Variants in FBXO25 observed in about 807,000 individuals in gnomAD.
The protein encoded by FBXO25 is F-box protein 25.
In FBXO25, 45 loss-of-function variants were observed where a neutral mutation model predicts 51.9. That is an observed-to-expected ratio of 0.87 (90% CI 0.68 to 1.11). The LOEUF (loss-of-function observed/expected upper bound fraction) is 1.11. Ranked by LOEUF, FBXO25 falls within the 50% of genes most tolerant of loss-of-function variation. The pLI is 0.00. For missense variants in FBXO25, 507 were observed against 428.5 expected (o/e 1.18, Z -1.62); for synonymous variants, 199 against 151.0 (o/e 1.32, Z -2.33).
intron 9 of FBXO25, among the ~76,000 whole-genome samples, chr8:466,182 C>T (rs1046733596): frequency 3.9e-5 from 6 of 152,342 alleles, no homozygotes; most frequent in African/African-American, 1.2e-4. Flanking sequence ...CCTAATTTAA[C>T]CCCTCAAGAT....
chr8:445,165 C>T (rs568436156), intron 5 of FBXO25, among the ~76,000 whole-genome samples: 230 of 152,298 alleles, frequency 1.5e-3, no homozygotes, highest in Admixed American at 2.8e-3. Context: ...TCTATGCTTA[C>T]CTATGCCTCG....
In FBXO25 at chr8:432,884, A is replaced by G. The variant is rs1310102706; in HGVS notation, c.239-2A>G. On this transcript the variant is annotated splice_acceptor_variant, in intron 3 of 9. Transcript: ENST00000350302. LOFTEE classifies it high-confidence loss of function. ...TAAAAACAAAGGTAATTTTTATTCTAGGTTTTTATCGTGAAAAATGGATCT... is the reference window on the plus strand; with the variant it reads ...TAAAAACAAAGGTAATTTTTATTCTGGGTTTTTATCGTGAAAAATGGATCT... The G allele has an allele frequency of 2.6e-6, 4 of 1,547,506 alleles. No individual in the cohort carries two copies. Among genetic ancestry groups the G allele is most frequent in the Non-Finnish European group, 3.5e-6 (4 of 1,152,568 alleles).
chr8:431,570 A>G lies in FBXO25; in HGVS notation c.238+126A>G, dbSNP rs150250859. ...TGTAAATAACAGCCCAGTATCCAGC[A>G]TTGCCTACAGATTTAGTGATCAAAC... On this transcript the variant is annotated intron_variant, in intron 3 of 9. Coordinates refer to ENST00000350302, the MANE Select transcript of FBXO25 (RefSeq NM_183420.2). 46 of 522,176 alleles carry G rather than the reference A, an allele frequency of 8.8e-5. 2 individuals carry two copies. The highest frequency in any genetic ancestry group is 5.4e-4 in the Middle Eastern group (1 of 1,858). 32.3% of individuals were successfully genotyped at this position (522,176 alleles called of 1,614,324 possible).
At position 477,006 on chromosome 8, in the gene FBXO25, A is replaced by AC. The variant is rs1800666194; in HGVS notation, c.*8203dup. The AC allele has an allele frequency of 6.6e-6, 1 of 150,688 alleles. No homozygotes were observed. The highest frequency in any genetic ancestry group is 2.5e-5 in the African/African-American group (1 of 40,542). The allele number at this position is 150,688 out of a possible 1,614,324, so 9.3% of individuals were successfully genotyped here. ...TTGTATATTACATTTTTCATTTACC[A>AC]CAAGATATTTTCTAATTTCCCTTGT... On this transcript the variant is annotated 3_prime_UTR_variant, in exon 10 of 10. Coordinates refer to ENST00000350302, the MANE Select transcript of FBXO25 (RefSeq NM_183420.2).
intron 2 of FBXO25, among the ~76,000 whole-genome samples, chr8:420,121 A>G (rs1267258879): frequency 6.6e-6 from 1 of 152,088 alleles, no homozygotes; most frequent in Non-Finnish European, 1.5e-5. Flanking sequence ...CCACGGTACC[A>G]TTTGGGGCAA....
At chr8:419,139 C>A (rs1428153823) in intron 2 of FBXO25, among the ~76,000 whole-genome samples, 1 of 151,942 alleles carries the variant, frequency 6.6e-6, no homozygotes, top group Non-Finnish European at 1.5e-5. Context: ...GCGGGCGGAT[C>A]ACCTGAGGTC....
intron 5 of FBXO25, among the ~76,000 whole-genome samples, chr8:446,089 C>T (rs937752931): frequency 2.0e-5 from 3 of 152,094 alleles, no homozygotes; most frequent in Non-Finnish European, 4.4e-5. Flanking sequence ...GTTCAGTCTT[C>T]TGTAATGTAG....
At chr8:449,156 CAG>C (rs1798919198) in intron 5 of FBXO25, among the ~76,000 whole-genome samples, 1 of 152,240 alleles carries the variant, frequency 6.6e-6, no homozygotes, top group East Asian at 1.9e-4. Flanking sequence ...ACACCTAAAA[CAG>C]AGATTTACAA....
At position 424,837 on chromosome 8, in the gene FBXO25, C is replaced by T. The variant is rs181821870; in HGVS notation, c.135-6504C>T. 3.8e-3 allele frequency among the ~76,000 whole-genome samples: 574 copies of T among 152,116 alleles called. 8 individuals are homozygous for T. The highest frequency in any genetic ancestry group is 0.013 in the African/African-American group (547 of 41,504). On this transcript the variant is annotated intron_variant, in intron 2 of 9. Coordinates refer to ENST00000350302, the MANE Select transcript of FBXO25 (RefSeq NM_183420.2). ...TTCTTTTTGCTTAGGAGTGCTTTGG[C>T]TATTTGGGCTCTTTTTTCATTCCAT...
In FBXO25 at chr8:427,057, C is replaced by T. The variant is rs547181079; in HGVS notation, c.135-4284C>T. Among the ~76,000 whole-genome samples, 333 of 150,064 alleles carry T rather than the reference C, an allele frequency of 2.2e-3. 1 individual carries two copies. Among genetic ancestry groups the T allele is most frequent in the Middle Eastern group, 0.01 (3 of 286 alleles). On this transcript the variant is annotated intron_variant, in intron 2 of 9. Coordinates refer to ENST00000350302, the MANE Select transcript of FBXO25 (RefSeq NM_183420.2). Reference sequence around the variant, plus strand: ...GCTTTATATCAGGAAAATGGATAAACGTAAACATTTGCCTACCAGGAGAAA... The same window carrying T: ...GCTTTATATCAGGAAAATGGATAAATGTAAACATTTGCCTACCAGGAGAAA...
rs1000433511 is a variant in FBXO25 at position 475,807 on chromosome 8, A to G, written c.*7003A>G. The G allele has an allele frequency of 6.6e-6, 1 of 151,940 alleles. No homozygotes were observed. The highest frequency in any genetic ancestry group is 2.4e-5 in the African/African-American group (1 of 41,354). 9.4% of individuals were successfully genotyped at this position (151,940 alleles called of 1,614,324 possible). A position where few individuals can be genotyped will look rare whatever the true frequency, so the allele number is the denominator to read the frequency against. ...TTTTTGTATATGTATGGACACTAGGATTTTCTACATATAAGATCATGTCAT... is the reference window on the plus strand; with the variant it reads ...TTTTTGTATATGTATGGACACTAGGGTTTTCTACATATAAGATCATGTCAT... On this transcript the variant is annotated 3_prime_UTR_variant, in exon 10 of 10. Transcript: ENST00000350302.
At chr8:407,323 G>T (rs1460978756) in intron 1 of FBXO25, 1 of 972,290 alleles carries the variant, frequency 1.0e-6, no homozygotes, top group African/African-American at 1.8e-5. Context: ...TCGCGGGCGC[G>T]TCAGGTGGGG....
intron 5 of FBXO25, among the ~76,000 whole-genome samples, chr8:436,240 C>T (rs1798095544): frequency 6.6e-6 from 1 of 152,002 alleles, no homozygotes; most frequent in Non-Finnish European, 1.5e-5. Flanking sequence ...AGGATCTTAG[C>T]CATATATTCC....
At chr8:419,064 A>G (rs1361042546) in intron 2 of FBXO25, among the ~76,000 whole-genome samples, 2 of 152,232 alleles carry the variant, frequency 1.3e-5, no homozygotes, top group Admixed American at 1.3e-4. Context: ...TCATCATTAG[A>G]AAGTCAGAGC....
intron 8 of FBXO25, among the ~76,000 whole-genome samples, chr8:458,870 G>T (rs899352983): frequency 1.3e-5 from 2 of 152,162 alleles, no homozygotes; most frequent in African/African-American, 2.4e-5. Flanking sequence ...CTGATTTGAT[G>T]AATCAGATTC....
In FBXO25 at chr8:472,165, C is replaced by G. The variant is rs1478607457; in HGVS notation, c.*3361C>G. ...GTTCCTCATCTTAGGGGAAAGCTTTCAGTCTCACCATTAACTATGATGTTA... is the reference window on the plus strand; with the variant it reads ...GTTCCTCATCTTAGGGGAAAGCTTTGAGTCTCACCATTAACTATGATGTTA... On this transcript the variant is annotated 3_prime_UTR_variant, in exon 10 of 10. Coordinates refer to ENST00000350302, the MANE Select transcript of FBXO25 (RefSeq NM_183420.2). 1 of 152,212 alleles carries G rather than the reference C, an allele frequency of 6.6e-6. No homozygotes were observed. The highest frequency in any genetic ancestry group is 2.4e-5 in the African/African-American group (1 of 41,462). 9.4% of individuals were successfully genotyped at this position (152,212 alleles called of 1,614,324 possible). A position where few individuals can be genotyped will look rare whatever the true frequency, so the allele number is the denominator to read the frequency against.
chr8:452,999 C>T (rs904524263), intron 7 of FBXO25, among the ~76,000 whole-genome samples: 4 of 152,178 alleles, frequency 2.6e-5, no homozygotes, highest in Non-Finnish European at 4.4e-5. Context: ...TTGCCCCACT[C>T]AGTGCTGACC....
rs1171942602 is a variant in FBXO25 at position 475,272 on chromosome 8, G to C, written c.*6468G>C. Reference sequence around the variant, plus strand: ...CCCATATGTGCAAGGGTTTATTTGGGGATTTGCTATTCTGTTCCATTGGTC... The same window carrying C: ...CCCATATGTGCAAGGGTTTATTTGGCGATTTGCTATTCTGTTCCATTGGTC... On this transcript the variant is annotated 3_prime_UTR_variant, in exon 10 of 10. Transcript: ENST00000350302. 1 of 217,544 alleles carries C rather than the reference G, an allele frequency of 4.6e-6. No individual in the cohort carries two copies. The highest frequency in any genetic ancestry group is 9.1e-6 in the Non-Finnish European group (1 of 109,866). 13.5% of individuals were successfully genotyped at this position (217,544 alleles called of 1,614,324 possible).
Position 477,814 on chromosome 8 carries a change from T to A in FBXO25, c.*9010T>A, listed in dbSNP as rs1585123353. The A allele has an allele frequency of 6.6e-6, 1 of 152,270 alleles. No homozygotes were observed. The highest frequency in any genetic ancestry group is 1.9e-4 in the East Asian group (1 of 5,206). The allele number at this position is 152,270 out of a possible 1,614,324, so 9.4% of individuals were successfully genotyped here. ...TGTCATTAGATATTACCCTTTTACA[T>A]CTTTTCACTATTTAAAAATGTAAAA... On this transcript the variant is annotated 3_prime_UTR_variant, in exon 10 of 10. Transcript: ENST00000350302.
Sources: gnomAD v4.1 joint callset for allele counts (sites outside exome capture counted in the v4.1 genomes callset) on GRCh38, gnomAD v4.1.1 for gene constraint, MANE v1.5 for transcripts, NCBI Gene and HGNC (gene_info 2026-07-23, HGNC 2026-07-21) for gene names.